RBFOX1: variants seen among roughly 807,000 people sequenced by gnomAD.
The protein encoded by RBFOX1 is RNA binding protein fox-1 homolog 1.
RBFOX1 carries 8 observed loss-of-function variants against 57.7 expected under a neutral mutation model. The observed-to-expected ratio is 0.14, with a 90% CI of 0.08 to 0.25. RBFOX1 has a LOEUF of 0.25. Ranked by LOEUF, RBFOX1 falls within the 10% of genes least tolerant of loss-of-function variation. The pLI is 1.00. For missense variants in RBFOX1, 611 were observed against 548.5 expected (o/e 1.11, Z -1.14); for synonymous variants, 326 against 222.4 (o/e 1.47, Z -4.15).
At chr16:6,988,129 T>A (rs942022414) in intron 3 of RBFOX1, among the ~76,000 whole-genome samples, 2 of 151,720 alleles carry the variant, frequency 1.3e-5, no homozygotes, top group African/African-American at 4.8e-5. Context: ...AACATAGGAA[T>A]ACATAAAAAA....
intron 2 of RBFOX1, among the ~76,000 whole-genome samples, chr16:6,593,890 G>A (rs994404090): frequency 6.6e-6 from 1 of 152,142 alleles, no homozygotes; most frequent in Non-Finnish European, 1.5e-5. Flanking sequence ...TAAAGTGCTT[G>A]TCTCTCATTG....
rs57154832 is a variant in RBFOX1, at chr16:6,242,629, A to AACACACACACAC, written c.-126-74342_-126-74331dup. Among the ~76,000 whole-genome samples, 870 of 141,614 alleles carry AACACACACACAC rather than the reference A, an allele frequency of 6.1e-3. 5 individuals are homozygous for AACACACACACAC. Among genetic ancestry groups the AACACACACACAC allele is most frequent in the Non-Finnish European group, 8.4e-3 (553 of 65,496 alleles). 92.9% of individuals were successfully genotyped at this position (141,614 alleles called of 152,430 possible). A position where few individuals can be genotyped will look rare whatever the true frequency, so the allele number is the denominator to read the frequency against. On this transcript the variant is annotated intron_variant, in intron 1 of 15. Transcript: ENST00000550418. Reference sequence around the variant, plus strand: ...GTTTGAGAGAGGATAATTTATTGCAAACACACACACACACACACACACACA... The same window carrying AACACACACACAC: ...GTTTGAGAGAGGATAATTTATTGCAAACACACACACACACACACACACACACACACACACACA...
At chr16:5,746,522 C>T (rs1404575398) in intron 3 of RBFOX1, among the ~76,000 whole-genome samples, 1 of 152,276 alleles carries the variant, frequency 6.6e-6, no homozygotes, top group African/African-American at 2.4e-5. Context: ...CTATAAATTA[C>T]CTTGGGCAGT....
intron 2 of RBFOX1, among the ~76,000 whole-genome samples, chr16:6,394,967 T>C (rs956431442): frequency 3.9e-5 from 6 of 152,224 alleles, no homozygotes; most frequent in Middle Eastern, 3.2e-3. Context: ...CCAATAAATA[T>C]TATTATTGCC....
chr16:7,443,845 A>G (rs2098788685), intron 4 of RBFOX1, among the ~76,000 whole-genome samples: 1 of 152,208 alleles, frequency 6.6e-6, no homozygotes. Flanking sequence ...CTTGAGGCTA[A>G]TTAGGGATGC....
chr16:6,536,151 C>G (rs1476976), intron 2 of RBFOX1, among the ~76,000 whole-genome samples: 50,642 of 152,024 alleles, frequency 0.33, 8,752 homozygotes, highest in Middle Eastern at 0.45. Context: ...CATCACAAGA[C>G]CACAATCATC....
intron 3 of RBFOX1, among the ~76,000 whole-genome samples, chr16:6,679,328 G>A (rs1174292189): frequency 1.3e-5 from 2 of 152,110 alleles, no homozygotes; most frequent in Non-Finnish European, 2.9e-5. Flanking sequence ...AGATAACAAT[G>A]ACGAGCTTGA....
intron 3 of RBFOX1, among the ~76,000 whole-genome samples, chr16:6,905,788 C>T (rs1293918018): frequency 1.3e-5 from 2 of 152,182 alleles, no homozygotes; most frequent in South Asian, 2.1e-4. Flanking sequence ...ACAGACTGAG[C>T]CGGTCCTGCC....
At chr16:6,464,950 T>A (rs1032484468) in intron 2 of RBFOX1, among the ~76,000 whole-genome samples, 6 of 152,252 alleles carry the variant, frequency 3.9e-5, no homozygotes, top group African/African-American at 1.4e-4. Flanking sequence ...TCTGTTGCCC[T>A]CGGGCAAATC....
chr16:7,603,568 C>T (rs2095147833), intron 9 of RBFOX1, among the ~76,000 whole-genome samples: 2 of 152,144 alleles, frequency 1.3e-5, no homozygotes, highest in Non-Finnish European at 2.9e-5. Flanking sequence ...TCTGAAAAGA[C>T]TCCAGAGCCC....
At chr16:5,426,296 C>G (rs1438513863) in intron 1 of RBFOX1, among the ~76,000 whole-genome samples, 3 of 152,132 alleles carry the variant, frequency 2.0e-5, no homozygotes, top group Non-Finnish European at 4.4e-5. Context: ...CACCCCCATT[C>G]CTGATCTGAT....
At chr16:6,968,807 A>G (rs773717137) in intron 3 of RBFOX1, among the ~76,000 whole-genome samples, 20 of 150,326 alleles carry the variant, frequency 1.3e-4, no homozygotes, top group Non-Finnish European at 1.8e-4. Context: ...GAATGTATTA[A>G]TCCAGGTTTT....
chr16:5,614,357 C>G (rs1490190734), intron 3 of RBFOX1, among the ~76,000 whole-genome samples: 1 of 152,170 alleles, frequency 6.6e-6, no homozygotes, highest in African/African-American at 2.4e-5. Context: ...TTCAATGCAA[C>G]TTTCATCTCT....
rs150784035 is a variant in RBFOX1 at position 6,489,204 on chromosome 16, T to C, written c.-63-165399T>C. Reference sequence around the variant, plus strand: ...TTGTCACTAGAAGAGAAATGTAACGTCACTAAATGAATAATGGAAGAGCAA... The same window carrying C: ...TTGTCACTAGAAGAGAAATGTAACGCCACTAAATGAATAATGGAAGAGCAA... On this transcript the variant is annotated intron_variant, in intron 2 of 15. Coordinates refer to ENST00000550418, the MANE Select transcript of RBFOX1 (RefSeq NM_018723.4). Among the ~76,000 whole-genome samples, 918 of 152,316 alleles carry C rather than the reference T, an allele frequency of 6.0e-3. 3 individuals carry two copies. The highest frequency in any genetic ancestry group is 0.034 in the Middle Eastern group (10 of 294).
chr16:7,603,515 G>C (rs917460877), intron 9 of RBFOX1, among the ~76,000 whole-genome samples: 12 of 152,186 alleles, frequency 7.9e-5, no homozygotes, highest in African/African-American at 2.9e-4. Flanking sequence ...GAATCCAAGA[G>C]TAACTCTAAG....
chr16:6,428,762 A>G (rs1352965449), intron 2 of RBFOX1, among the ~76,000 whole-genome samples: 2 of 152,230 alleles, frequency 1.3e-5, no homozygotes, highest in Admixed American at 6.5e-5. Flanking sequence ...TAGTTCTTTG[A>G]TATAATCATT....
chr16:6,198,179 G>A (rs927862546), intron 1 of RBFOX1, among the ~76,000 whole-genome samples: 1 of 152,172 alleles, frequency 6.6e-6, no homozygotes, highest in Non-Finnish European at 1.5e-5. Flanking sequence ...CCACTTATAA[G>A]TGAAAACACA....
At chr16:6,715,840 C>G (rs2064702563) in intron 3 of RBFOX1, among the ~76,000 whole-genome samples, 2 of 152,128 alleles carry the variant, frequency 1.3e-5, no homozygotes, top group African/African-American at 4.8e-5. Context: ...GATCATGAAC[C>G]AATACTGTCT....
At chr16:6,589,465 G>A (rs1050171409) in intron 2 of RBFOX1, among the ~76,000 whole-genome samples, 6 of 152,148 alleles carry the variant, frequency 3.9e-5, no homozygotes, top group Admixed American at 6.5e-5. Flanking sequence ...TCACTTCCTC[G>A]GTGGGGTCCA....
Sources: gnomAD v4.1 joint callset for allele counts (sites outside exome capture counted in the v4.1 genomes callset) on GRCh38, gnomAD v4.1.1 for gene constraint, MANE v1.5 for transcripts, NCBI Gene and HGNC (gene_info 2026-07-23, HGNC 2026-07-21) for gene names.